DESI2: variants seen among roughly 807,000 people sequenced by gnomAD.
The protein encoded by DESI2 is desumoylating isopeptidase 2.
In DESI2, 10 loss-of-function variants were observed where a neutral mutation model predicts 24.1. The observed-to-expected ratio is 0.41, with a 90% CI of 0.26 to 0.70. The LOEUF (loss-of-function observed/expected upper bound fraction) is 0.70. Ranked by LOEUF, DESI2 falls within the 30% of genes least tolerant of loss-of-function variation. The pLI is 0.29. For synonymous variants in DESI2, 71 were observed against 87.7 expected (o/e 0.81, Z 1.06); for missense variants, 122 against 234.9 (o/e 0.52, Z 3.14).
At chr1:244,682,504 C>G (rs1266828205) in intron 1 of DESI2, among the ~76,000 whole-genome samples, 1 of 152,226 alleles carries the variant, frequency 6.6e-6, no homozygotes, top group Non-Finnish European at 1.5e-5. Flanking sequence ...TCTCCTATCT[C>G]TTTCCCTTTC....
chr1:244,696,757 G>A (rs916851563), intron 4 of DESI2, among the ~76,000 whole-genome samples: 1 of 152,240 alleles, frequency 6.6e-6, no homozygotes, highest in Non-Finnish European at 1.5e-5. Flanking sequence ...TGCGAGCTTG[G>A]ACTTCTGTAA....
chr1:244,658,235 T>G (rs1675713540), intron 1 of DESI2, among the ~76,000 whole-genome samples: 1 of 152,238 alleles, frequency 6.6e-6, no homozygotes, highest in African/African-American at 2.4e-5. Flanking sequence ...TAATGCACTT[T>G]ATGATGTGGC....
intron 1 of DESI2, among the ~76,000 whole-genome samples, chr1:244,685,184 A>T (rs1234116177): frequency 6.6e-6 from 1 of 152,074 alleles, no homozygotes; most frequent in Non-Finnish European, 1.5e-5. Context: ...ATATCTGTTG[A>T]TATTTTCCTC....
chr1:244,670,516 A>C (rs1676210863), intron 1 of DESI2, among the ~76,000 whole-genome samples: 2 of 152,228 alleles, frequency 1.3e-5, no homozygotes, highest in African/African-American at 4.8e-5. Context: ...AACACTCATA[A>C]TAATCTTTAT....
intron 1 of DESI2, among the ~76,000 whole-genome samples, chr1:244,654,702 G>A (rs1675585286): frequency 6.6e-6 from 1 of 152,210 alleles, no homozygotes; most frequent in East Asian, 1.9e-4. Flanking sequence ...GTCACTGGTT[G>A]AGAAATAATT....
chr1:244,669,275 G>C (rs1211430591), intron 1 of DESI2, among the ~76,000 whole-genome samples: 4 of 152,062 alleles, frequency 2.6e-5, no homozygotes, highest in Non-Finnish European at 4.4e-5. Context: ...GGGATTACAG[G>C]CATGAGCCAC....
chr1:244,691,818 A>T, intron 3 of DESI2, 61 bp from the exon 4 acceptor site: 2 of 1,302,048 alleles, frequency 1.5e-6, no homozygotes, highest in Non-Finnish European at 1.0e-6. Context: ...GCTTTTTATA[A>T]ATATTTGACA....
chr1:244,659,253 A>G (rs1675755555), intron 1 of DESI2, among the ~76,000 whole-genome samples: 1 of 152,132 alleles, frequency 6.6e-6, no homozygotes, highest in African/African-American at 2.4e-5. Context: ...ATACATATGT[A>G]CATTTGTTTT....
intron 4 of DESI2, among the ~76,000 whole-genome samples, chr1:244,703,905 G>T (rs12088143): frequency 6.6e-6 from 1 of 151,848 alleles, no homozygotes; most frequent in Non-Finnish European, 1.5e-5. Flanking sequence ...TGATCTGCCC[G>T]CCTCGGCCTC....
At chr1:244,679,374 T>C (rs1355810773) in intron 1 of DESI2, among the ~76,000 whole-genome samples, 1 of 152,202 alleles carries the variant, frequency 6.6e-6, no homozygotes, top group East Asian at 1.9e-4. Context: ...TTTTTTATTG[T>C]GAAATTTTTT....
intron 3 of DESI2, among the ~76,000 whole-genome samples, chr1:244,690,169 A>G (rs1292810412): frequency 6.6e-6 from 1 of 152,132 alleles, no homozygotes; most frequent in Non-Finnish European, 1.5e-5. Context: ...TGCAGCACCC[A>G]TGATCTCATC....
At position 244,692,017 on chromosome 1, in the gene DESI2, A is replaced by G. The variant is rs147817191; in HGVS notation, c.348A>G (p.Ser116=). ...GCAATCATTTTTCTTCAGCTTTATC[A>G]GAGGTAAGCTAAATTTTATCCTAAA... ...KNCNHFSSAL[S]EILCGKEIPR... The change falls in exon 4 of 5, where the codon TCA becomes TCG. Residue 116 remains serine (S), a synonymous_variant. Transcript: ENST00000302550. 8.8e-6 allele frequency: 14 copies of G among 1,590,412 alleles called. No homozygotes were observed. In the African/African-American group the frequency reaches 1.6e-4, roughly 19 times the overall value.
chr1:244,703,881 ATC>A (rs1677584469), intron 4 of DESI2, among the ~76,000 whole-genome samples: 1 of 152,036 alleles, frequency 6.6e-6, no homozygotes, highest in Admixed American at 6.6e-5. Flanking sequence ...GATGGTCTCG[ATC>A]TCCTGACCTC....
intron 1 of DESI2, among the ~76,000 whole-genome samples, chr1:244,662,704 A>G (rs1388118878): frequency 2.0e-5 from 3 of 152,216 alleles, no homozygotes; most frequent in Admixed American, 2.0e-4. Context: ...AGGATGGTAT[A>G]GTTACCGGTT....
chr1:244,658,432 G>A (rs578163578), intron 1 of DESI2, among the ~76,000 whole-genome samples: 2 of 152,206 alleles, frequency 1.3e-5, no homozygotes, highest in East Asian at 3.9e-4. Flanking sequence ...GCTCCTTCTG[G>A]CTGTAGCTTA....
intron 1 of DESI2, chr1:244,654,087 C>G (rs1237198194): frequency 2.2e-6 from 1 of 464,784 alleles, no homozygotes; most frequent in Non-Finnish European, 4.5e-6. Context: ...ATTGTATCAT[C>G]TAACTTTGGA....
intron 4 of DESI2, among the ~76,000 whole-genome samples, chr1:244,702,251 C>T (rs1461395436): frequency 2.6e-5 from 4 of 152,190 alleles, no homozygotes; most frequent in South Asian, 2.1e-4. Context: ...CGGTGGCTCA[C>T]GCCTGTAATC....
At chr1:244,667,729 C>A (rs1276412177) in intron 1 of DESI2, among the ~76,000 whole-genome samples, 1 of 152,176 alleles carries the variant, frequency 6.6e-6, no homozygotes, top group East Asian at 1.9e-4. Context: ...CCTAACTTTT[C>A]TTCAGTCCTG....
chr1:244,679,339 G>GATT (rs764400716), intron 1 of DESI2, among the ~76,000 whole-genome samples: 1 of 152,190 alleles, frequency 6.6e-6, no homozygotes, highest in Admixed American at 6.5e-5. Context: ...GCGAGGACTA[G>GATT]ATTATTCTCT....
Sources: gnomAD v4.1 joint callset for allele counts (sites outside exome capture counted in the v4.1 genomes callset) on GRCh38, gnomAD v4.1.1 for gene constraint, MANE v1.5 for transcripts, NCBI Gene and HGNC (gene_info 2026-07-23, HGNC 2026-07-21) for gene names.